Variants in KDM7A observed in about 807,000 individuals in gnomAD.
The protein encoded by KDM7A is lysine-specific demethylase 7A.
A neutral mutation model predicts 114.8 loss-of-function variants in KDM7A; 28 were observed. The observed-to-expected ratio is 0.24, with a 90% CI of 0.18 to 0.33. The LOEUF is 0.33. Ranked by LOEUF, KDM7A falls within the 10% of genes least tolerant of loss-of-function variation. The probability of loss-of-function intolerance (pLI) is 1.00; values close to 1 mark genes in which losing one functional copy is unlikely to be tolerated. For missense variants in KDM7A, 942 were observed against 1,142.5 expected, an observed-to-expected ratio of 0.82 and a Z score of 2.53; for synonymous variants, 423 against 397.8, an observed-to-expected ratio of 1.06 and a Z score of -0.75.
In KDM7A at chr7:140,145,464, G is replaced by A. The variant is rs933248266; in HGVS notation, c.195-6274C>T. Among the ~76,000 whole-genome samples, 10 of 152,252 alleles carry A rather than the reference G, an allele frequency of 6.6e-5. No individual in the cohort carries two copies. In the East Asian group the frequency reaches 1.4e-3, roughly 21 times the overall value. On this transcript the variant is annotated intron_variant, in intron 1 of 19. Coordinates refer to ENST00000397560, the MANE Select transcript of KDM7A (RefSeq NM_030647.2). Reference sequence around the variant, plus strand: ...AGAATGTTCAGAATCTGACATTTCCGAGGTAGCATCATCTATAACAGTGAT... The same window carrying A: ...AGAATGTTCAGAATCTGACATTTCCAAGGTAGCATCATCTATAACAGTGAT...
intron 1 of KDM7A, among the ~76,000 whole-genome samples, chr7:140,148,925 A>G (rs1269449263): frequency 6.6e-6 from 1 of 152,192 alleles, no homozygotes; most frequent in Non-Finnish European, 1.5e-5. Context: ...GGCATACTAT[A>G]TGCTTAAGGG....
At chr7:140,097,226 T>C (rs1818129599) in intron 15 of KDM7A, among the ~76,000 whole-genome samples, 179 bp from the exon 16 acceptor site, 1 of 152,276 alleles carries the variant, frequency 6.6e-6, no homozygotes, top group African/African-American at 2.4e-5. Context: ...CATACTACCT[T>C]GATTAAAAAA....
intron 1 of KDM7A, among the ~76,000 whole-genome samples, chr7:140,150,090 A>C (rs116283089): frequency 1.1e-3 from 166 of 152,226 alleles, no homozygotes; most frequent in African/African-American, 3.8e-3. Flanking sequence ...CACCTCCCTT[A>C]ACACTAAGGA....
At chr7:140,146,095 A>G (rs1488376257) in intron 1 of KDM7A, among the ~76,000 whole-genome samples, 1 of 152,232 alleles carries the variant, frequency 6.6e-6, no homozygotes, top group Non-Finnish European at 1.5e-5. Context: ...ATCAACTGGT[A>G]AAACATTCAT....
chr7:140,142,349 CA>C (rs1794292955), intron 1 of KDM7A, among the ~76,000 whole-genome samples: 1 of 150,386 alleles, frequency 6.6e-6, no homozygotes, highest in African/African-American at 2.4e-5. Context: ...GCCAGAGTAG[CA>C]GAAGACATTA....
In KDM7A at chr7:140,124,746, T is replaced by G. The variant is rs1336515544; in HGVS notation, c.926A>C (p.Glu309Ala). The part of the protein sequence containing the change: ...KIFYLIKPTD[E>A]NLARYESWSS... Reference sequence around the variant, plus strand: ...CCAAGATTCATAACGTGCCAAATTTTCATCTGTTGGCTTTATTAAATAAAA... The same window carrying G: ...CCAAGATTCATAACGTGCCAAATTTGCATCTGTTGGCTTTATTAAATAAAA... The change falls in exon 7 of 20, where the codon GAA becomes GCA. Residue 309 changes from glutamate (E) to alanine (A), a missense_variant. Physicochemically the swap from Glu to Ala is moderately radical, Grantham distance 107. Transcript: ENST00000397560. The G allele has an allele frequency of 1.9e-6, 3 of 1,612,164 alleles. No homozygotes were observed. The highest frequency in any genetic ancestry group is 2.5e-6 in the Non-Finnish European group (3 of 1,179,028).
intron 12 of KDM7A, among the ~76,000 whole-genome samples, chr7:140,100,733 T>TACACAC (rs1562946137): frequency 3.9e-5 from 2 of 51,872 alleles, no homozygotes; most frequent in South Asian, 6.7e-4. Flanking sequence ...TATATATATA[T>TACACAC]ATATATATAC....
At chr7:140,159,208 G>A (rs1032374426) in intron 1 of KDM7A, among the ~76,000 whole-genome samples, 6 of 152,130 alleles carry the variant, frequency 3.9e-5, no homozygotes, top group South Asian at 2.1e-4. Context: ...TTAGCCAGGC[G>A]TGGTGGCACA....
chr7:140,134,589 T>G (rs1236115677), intron 2 of KDM7A, among the ~76,000 whole-genome samples: 1 of 152,108 alleles, frequency 6.6e-6, no homozygotes, highest in Non-Finnish European at 1.5e-5. Flanking sequence ...AAAATTACTC[T>G]TAAGCCTAAA....
At chr7:140,108,673 C>T (rs929435359) in intron 11 of KDM7A, among the ~76,000 whole-genome samples, 11 of 152,316 alleles carry the variant, frequency 7.2e-5, no homozygotes, top group Middle Eastern at 3.4e-3. Flanking sequence ...AGGTGTCAGT[C>T]GGCCCTTACT....
At position 140,086,528 on chromosome 7, in the gene KDM7A, T is replaced by C. The variant is rs538507263; in HGVS notation, c.*4566A>G. 6.6e-6 allele frequency: 1 copy of C among 152,288 alleles called. No homozygotes were observed. The highest frequency in any genetic ancestry group is 1.9e-4 in the East Asian group (1 of 5,186). 9.4% of individuals were successfully genotyped at this position (152,288 alleles called of 1,614,324 possible). A position where few individuals can be genotyped will look rare whatever the true frequency, so the allele number is the denominator to read the frequency against. ...ATATCAAATATTTGACTTTACAGCA[T>C]GAAAAAGAGGGAAGGGCTTCTAGGA... On this transcript the variant is annotated 3_prime_UTR_variant, in exon 20 of 20. Coordinates refer to ENST00000397560, the MANE Select transcript of KDM7A (RefSeq NM_030647.2).
At chr7:140,101,427 C>A (rs1180189541) in intron 12 of KDM7A, among the ~76,000 whole-genome samples, 1 of 152,148 alleles carries the variant, frequency 6.6e-6, no homozygotes, top group Non-Finnish European at 1.5e-5. Flanking sequence ...CACCACGTAA[C>A]CATTTGACTT....
intron 3 of KDM7A, among the ~76,000 whole-genome samples, chr7:140,133,089 T>C (rs1818815509): frequency 6.6e-6 from 1 of 152,098 alleles, no homozygotes; most frequent in Admixed American, 6.5e-5. Context: ...CCTGCAGTGG[T>C]TGTGTGTGCT....
chr7:140,121,683 A>T (rs1818619918), intron 7 of KDM7A, among the ~76,000 whole-genome samples: 1 of 152,356 alleles, frequency 6.6e-6, no homozygotes, highest in South Asian at 2.1e-4. Context: ...AGTTCCATAC[A>T]AAATGAAATT....
rs936486084 is a variant in KDM7A at position 140,149,013 on chromosome 7, T to A, written c.195-9823A>T. On this transcript the variant is annotated intron_variant, in intron 1 of 19. Coordinates refer to ENST00000397560, the MANE Select transcript of KDM7A (RefSeq NM_030647.2). ...CTTAAGGTTCACTTATGGTTCACTT[T>A]TCCTACCTCCAACAGCAGGGCTCAT... Among the ~76,000 whole-genome samples the A allele has an allele frequency of 2.6e-5, 4 of 152,206 alleles. No homozygotes were observed. In the South Asian group the frequency reaches 8.3e-4, roughly 31 times the overall value.
At chr7:140,091,287 C>T (rs1159793232) in intron 19 of KDM7A, 99 bp from the exon 20 acceptor site, 1 of 826,108 alleles carries the variant, frequency 1.2e-6, no homozygotes, top group African/African-American at 1.7e-5. Flanking sequence ...GGAAGTAAGC[C>T]CTTAGGTGTT....
intron 11 of KDM7A, among the ~76,000 whole-genome samples, chr7:140,108,279 A>C (rs1009025674): frequency 2.0e-5 from 3 of 152,142 alleles, no homozygotes; most frequent in Non-Finnish European, 4.4e-5. Flanking sequence ...TACTTCTGTC[A>C]ACTTGTCAAA....
intron 1 of KDM7A, among the ~76,000 whole-genome samples, chr7:140,166,418 C>T (rs1425241627): frequency 6.7e-6 from 1 of 148,168 alleles, no homozygotes; most frequent in Non-Finnish European, 1.5e-5. Flanking sequence ...TGGCTCACTG[C>T]AGCTTCAACC....
chr7:140,111,507 T>G (rs1001136318), intron 10 of KDM7A, among the ~76,000 whole-genome samples: 1 of 152,252 alleles, frequency 6.6e-6, no homozygotes, highest in Non-Finnish European at 1.5e-5. Flanking sequence ...AGTGACAAAT[T>G]AAGCTTAACA....
Sources: allele counts gnomAD v4.1 joint callset (sites outside exome capture counted in the v4.1 genomes callset), GRCh38; gene constraint gnomAD v4.1.1; transcripts MANE v1.5; gene names NCBI Gene and HGNC (gene_info 2026-07-23, HGNC 2026-07-21).